Variants in NAIP observed in about 807,000 individuals in gnomAD.
The protein encoded by NAIP is baculoviral IAP repeat-containing protein 1.
Under a neutral mutation model 23.0 loss-of-function variants are expected in NAIP, and 15 were observed. That is an observed-to-expected ratio of 0.65 (90% CI 0.44 to 1.00). The LOEUF is 1.00. NAIP is among the 50% of genes least tolerant of loss of function. The pLI, the probability that NAIP is intolerant of heterozygous loss-of-function variation, is 0.00. For synonymous variants in NAIP, 100 were observed against 100.2 expected, an observed-to-expected ratio of 1.00 and a Z score of 0.01; for missense variants, 265 against 278.8, an observed-to-expected ratio of 0.95 and a Z score of 0.35.
Position 70,996,792 on chromosome 5 carries a change from CAAAAA to C in NAIP, c.1022+1927_1022+1931del, listed in dbSNP as rs1222506915. On this transcript the variant is annotated intron_variant, in intron 9 of 16. Coordinates refer to ENST00000517649, the MANE Select transcript of NAIP (RefSeq NM_004536.3). ...TGGGCGACAAAGTGAGACTCCATCTCAAAAAAAAAAAAAAAAAAAAATTAAGCAGA... is the reference window on the plus strand; with the variant it reads ...TGGGCGACAAAGTGAGACTCCATCTCAAAAAAAAAAAAAAAATTAAGCAGA... 7.7e-5 allele frequency among the ~76,000 whole-genome samples: 5 copies of C among 64,534 alleles called. 1 individual carries two copies. Among genetic ancestry groups the C allele is most frequent in the East Asian group, 1.2e-3 (2 of 1,692 alleles). 42.3% of individuals were successfully genotyped at this position (64,534 alleles called of 152,430 possible).
chr5:71,012,433 A>T lies in NAIP; in HGVS notation c.483T>A (p.Ala161=). The T allele has an allele frequency of 6.3e-7, 1 of 1,598,292 alleles. No individual in the cohort carries two copies. Among genetic ancestry groups the T allele is most frequent in the Non-Finnish European group, 8.6e-7 (1 of 1,166,112 alleles). ...GGKMRYQEEE[A]RLASFRNWPF... is the part of the protein sequence containing the mutation. ...GCCAGTTCCTGAAGGACGCAAGTCT[A>T]GCCTCCTCTTCTTGGTACCTCATTT... Residue 161 remains alanine (A), a synonymous_variant, in exon 4 of 17, where the codon GCT becomes GCA. Coordinates refer to ENST00000517649, the MANE Select transcript of NAIP (RefSeq NM_004536.3).
chr5:71,012,266 C>A, intron 4 of NAIP, 82 bp downstream of exon 4: 2 of 1,302,108 alleles, frequency 1.5e-6, no homozygotes, highest in Non-Finnish European at 2.1e-6. Flanking sequence ...GAAAGTTTAG[C>A]AAAATATTGC....
In NAIP at chr5:71,012,436, C is replaced by G. The variant is rs750961208; in HGVS notation, c.480G>C (p.Glu160Asp). The change falls in exon 4 of 17, where the codon GAG (glutamate) becomes GAC (aspartate). Residue 160 changes from glutamate (E) to aspartate (D), a missense_variant. Physicochemically the swap from Glu to Asp is conservative, Grantham distance 45. Transcript: ENST00000517649. ...RGGKMRYQEE[E>D]ARLASFRNWP... is the part of the protein sequence containing the mutation. ...AGTTCCTGAAGGACGCAAGTCTAGC[C>G]TCCTCTTCTTGGTACCTCATTTTAC... The G allele has an allele frequency of 6.2e-6, 10 of 1,611,340 alleles. No individual in the cohort carries two copies. The highest frequency in any genetic ancestry group is 8.5e-6 in the Non-Finnish European group (10 of 1,178,068).
intron 5 of NAIP, among the ~76,000 whole-genome samples, chr5:71,009,452 A>G (rs1376235556): frequency 6.6e-6 from 1 of 151,092 alleles, no homozygotes; most frequent in Non-Finnish European, 1.5e-5. Flanking sequence ...GCACTTTGGG[A>G]ATCCAAGGTG....
chr5:71,017,702 G>A lies in NAIP; in HGVS notation c.-4+2957C>T, dbSNP rs1227676015. Among the ~76,000 whole-genome samples, 4 of 77,096 alleles carry A rather than the reference G, an allele frequency of 5.2e-5. 2 individuals carry two copies. Among genetic ancestry groups the A allele is most frequent in the Admixed American group, 2.8e-4 (2 of 7,168 alleles). The allele number at this position is 77,096 out of a possible 152,430, so 50.6% of individuals were successfully genotyped here. ...ATTACAGGCATGTGCCACCATGCCC[G>A]GCTAATTTTTTTATTTTTAGTAGAG... On this transcript the variant is annotated intron_variant, in intron 3 of 16. Transcript: ENST00000517649.
chr5:70,978,791 CTT>C (rs1262191019), intron 13 of NAIP, among the ~76,000 whole-genome samples: 1 of 53,208 alleles, frequency 1.9e-5, no homozygotes, highest in Non-Finnish European at 3.1e-5. Flanking sequence ...GGATTTCTTT[CTT>C]TTTTTTTTTT....
intron 3 of NAIP, among the ~76,000 whole-genome samples, chr5:71,014,764 A>G (rs923877923): frequency 1.2e-4 from 18 of 151,214 alleles, no homozygotes; most frequent in African/African-American, 4.4e-4. Context: ...TTAGCCGGGC[A>G]TGATGGTGGG....
intron 5 of NAIP, among the ~76,000 whole-genome samples, chr5:71,010,018 C>T (rs1751071825): frequency 6.6e-6 from 1 of 151,654 alleles, no homozygotes; most frequent in African/African-American, 2.4e-5. Context: ...ATATATTTAG[C>T]AGTACATGAA....
In NAIP at chr5:71,012,410, C is replaced by T. The variant is rs866796460; in HGVS notation, c.506G>A (p.Trp169Ter). The T allele has an allele frequency of 1.2e-6, 2 of 1,611,730 alleles. No individual in the cohort carries two copies. Among genetic ancestry groups the T allele is most frequent in the Non-Finnish European group, 1.7e-6 (2 of 1,178,420 alleles). The stretch of plus-strand genomic sequence containing the variant: ...GGATATCCCTTGGACATAAAATGGC[C>T]AGTTCCTGAAGGACGCAAGTCTAGC... ...EEARLASFRN[W>*]PFYVQGISPC... The change falls in exon 4 of 17, where the codon TGG becomes TAG. Residue 169 changes from tryptophan (W) to a stop codon, truncating the protein, a stop_gained. Transcript: ENST00000517649. LOFTEE classifies it high-confidence loss of function.
At chr5:71,014,609 A>G (rs1251172578) in intron 3 of NAIP, among the ~76,000 whole-genome samples, 1 of 151,734 alleles carries the variant, frequency 6.6e-6, no homozygotes, top group East Asian at 1.9e-4. Flanking sequence ...CAATATAATA[A>G]GACATAGTAT....
At chr5:71,013,706 T>TGCCAGAA (rs897463088) in intron 3 of NAIP, among the ~76,000 whole-genome samples, 4 of 150,544 alleles carry the variant, frequency 2.7e-5, no homozygotes, top group African/African-American at 9.8e-5. Context: ...GACATATACC[T>TGCCAGAA]GCCAGAAGCC....
chr5:70,978,145 ATATATT>A (rs1302909289), intron 13 of NAIP, among the ~76,000 whole-genome samples: 17 of 40,104 alleles, frequency 4.2e-4, no homozygotes, highest in South Asian at 2.0e-3. Context: ...ATATATATAT[ATATATT>A]TTTTTTTTTT....
intron 4 of NAIP, chr5:71,011,637 T>G (rs4976210): frequency 2.0e-6 from 1 of 509,938 alleles, no homozygotes; most frequent in Non-Finnish European, 3.5e-6. Context: ...GCTCTTTGAG[T>G]TCTCAGGGTC....
intron 5 of NAIP, among the ~76,000 whole-genome samples, chr5:71,009,196 T>C (rs1331688936): frequency 7.1e-6 from 1 of 141,358 alleles, no homozygotes; most frequent in African/African-American, 2.6e-5. Flanking sequence ...ATAAAAGATA[T>C]GAAAATTAGC....
At position 71,012,808 on chromosome 5, in the gene NAIP, C is replaced by G. The variant is rs1211404194; in HGVS notation, c.108G>C (p.Lys36Asn). 1 of 1,611,992 alleles carries G rather than the reference C, an allele frequency of 6.2e-7. No individual in the cohort carries two copies. The highest frequency in any genetic ancestry group is 8.5e-7 in the Non-Finnish European group (1 of 1,178,532). ...LLGLDAVQLA[K>N]ELEEEEQKER... ...CCTTCTGCTCCTCTTCTTCTAGTTC[C>G]TTTGCCAACTGAACTGCATCTAGGC... Residue 36 changes from lysine (K) to asparagine (N), a missense_variant, in exon 4 of 17, where the codon AAG becomes AAC. Transcript: ENST00000517649.
In NAIP at chr5:71,012,368, T is replaced by TAC; in HGVS notation, c.547_548insGT (p.Glu183GlyfsTer23). The TAC allele has an allele frequency of 6.2e-7, 1 of 1,609,032 alleles. No homozygotes were observed. The highest frequency in any genetic ancestry group is 1.1e-5 in the South Asian group (1 of 90,632). On this transcript the variant is annotated frameshift_variant, in exon 4 of 17. Transcript: ENST00000517649. LOFTEE classifies it high-confidence loss of function. ...GGTACCTGTAAAGACAAAGCCAGCC[T>TAC]CTGAGAGCACACAAGGGGATATCCC...
rs1318680892 is a variant in NAIP, at chr5:71,000,640, C to T, written c.922+1058G>A. 8.7e-5 allele frequency among the ~76,000 whole-genome samples: 9 copies of T among 103,956 alleles called. 1 individual carries two copies. Among genetic ancestry groups the T allele is most frequent in the East Asian group, 5.9e-4 (2 of 3,408 alleles). The allele number at this position is 103,956 out of a possible 152,430, so 68.2% of individuals were successfully genotyped here. A position where few individuals can be genotyped will look rare whatever the true frequency, so the allele number is the denominator to read the frequency against. On this transcript the variant is annotated intron_variant, in intron 8 of 16. Coordinates refer to ENST00000517649, the MANE Select transcript of NAIP (RefSeq NM_004536.3). The stretch of plus-strand genomic sequence containing the variant: ...TGATCTTGACTCCCCGCAACCTCCA[C>T]GTCCCAGGTTCAAGCGATTCTCCTG...
At chr5:71,008,550 A>G (rs1292525039) in intron 5 of NAIP, among the ~76,000 whole-genome samples, 1 of 67,336 alleles carries the variant, frequency 1.5e-5, no homozygotes, top group Non-Finnish European at 2.8e-5. Flanking sequence ...CATGCCTATA[A>G]TCCCAGCACT....
At position 71,024,822 on chromosome 5, in the gene NAIP, C is replaced by T. The variant is rs565538; in HGVS notation, c.-426G>A. The T allele has an allele frequency of 1.4e-5, 1 of 70,478 alleles. No individual in the cohort carries two copies. The highest frequency in any genetic ancestry group is 4.4e-5 in the African/African-American group (1 of 22,616). The allele number at this position is 70,478 out of a possible 1,614,324, so 4.4% of individuals were successfully genotyped here. On this transcript the variant is annotated 5_prime_UTR_variant, in exon 1 of 17. Coordinates refer to ENST00000517649, the MANE Select transcript of NAIP (RefSeq NM_004536.3). ...GCATGATTGGTTAAATCACTGGCAA[C>T]TGGTGGTTAATCAATCTCCAGCCCT...
Sources: allele counts gnomAD v4.1 joint callset (sites outside exome capture counted in the v4.1 genomes callset), GRCh38; gene constraint gnomAD v4.1.1; transcripts MANE v1.5; gene names NCBI Gene and HGNC (gene_info 2026-07-23, HGNC 2026-07-21).